Variants in ALDH1A2 observed in about 807,000 individuals in gnomAD.
ALDH1A2 encodes retinal dehydrogenase 2.
A neutral mutation model predicts 60.3 loss-of-function variants in ALDH1A2; 27 were observed. The ratio of observed to expected loss-of-function variants is 0.45; its 90% CI spans 0.33 to 0.62. The LOEUF is 0.62. ALDH1A2 is among the 20% of genes least tolerant of loss of function. The pLI is 0.02. For synonymous variants in ALDH1A2, 289 were observed against 232.4 expected, an observed-to-expected ratio of 1.24 and a Z score of -2.21; for missense variants, 581 against 643.8, an observed-to-expected ratio of 0.90 and a Z score of 1.06.
chr15:58,033,822 C>G (rs965599133), intron 1 of ALDH1A2, among the ~76,000 whole-genome samples: 23 of 147,326 alleles, frequency 1.6e-4, no homozygotes, highest in Admixed American at 6.2e-4. Context: ...TTTCTTGGTT[C>G]TCTTCTCTAT....
At chr15:58,034,278 A>G (rs1265913594) in intron 1 of ALDH1A2, among the ~76,000 whole-genome samples, 1 of 151,772 alleles carries the variant, frequency 6.6e-6, no homozygotes, top group Non-Finnish European at 1.5e-5. Flanking sequence ...GTTCATCACC[A>G]GTATATAAGA....
chr15:57,980,309 T>C, intron 7 of ALDH1A2: 2 of 415,450 alleles, frequency 4.8e-6, no homozygotes, highest in South Asian at 2.1e-5. Flanking sequence ...GTTCCCACTC[T>C]CAAACAGGTT....
At chr15:58,061,617 A>AAAAAAAAAAC in intron 1 of ALDH1A2, among the ~76,000 whole-genome samples, 1 of 149,848 alleles carries the variant, frequency 6.7e-6, no homozygotes, top group Non-Finnish European at 1.5e-5. Context: ...AAACAAAAAA[A>AAAAAAAAAAC]AAAAAAAAAC....
intron 8 of ALDH1A2, among the ~76,000 whole-genome samples, chr15:57,964,961 T>A (rs1893845028): frequency 6.6e-6 from 1 of 151,584 alleles, no homozygotes; most frequent in Non-Finnish European, 1.5e-5. Context: ...GGTTTTCTGA[T>A]CTCTCTGGTG....
chr15:57,971,903 T>C (rs1566932961), intron 7 of ALDH1A2, among the ~76,000 whole-genome samples: 1 of 151,984 alleles, frequency 6.6e-6, no homozygotes, highest in East Asian at 1.9e-4. Flanking sequence ...TATTTTTTAT[T>C]TTTTTTTGCA....
At chr15:57,978,812 G>A (rs1595631990) in intron 7 of ALDH1A2, among the ~76,000 whole-genome samples, 2 of 152,180 alleles carry the variant, frequency 1.3e-5, no homozygotes, top group African/African-American at 4.8e-5. Context: ...CAAGGTGCGT[G>A]GATTACCTGA....
At chr15:58,014,304 G>T in intron 1 of ALDH1A2, 23 bp from the exon 2 acceptor site, 2 of 1,585,022 alleles carry the variant, frequency 1.3e-6, no homozygotes, top group South Asian at 1.1e-5. Context: ...ATAACAGAAT[G>T]GGATCTGTGA....
At chr15:57,981,596 G>C (rs1894514958) in intron 7 of ALDH1A2, among the ~76,000 whole-genome samples, 1 of 152,134 alleles carries the variant, frequency 6.6e-6, no homozygotes, top group South Asian at 2.1e-4. Context: ...ACTAATGGAA[G>C]AAGACATGAA....
At chr15:57,976,981 T>C (rs1238514212) in intron 7 of ALDH1A2, among the ~76,000 whole-genome samples, 2 of 152,238 alleles carry the variant, frequency 1.3e-5, no homozygotes, top group Admixed American at 6.5e-5. Flanking sequence ...GGTATCTCAC[T>C]GTGGTTTTGA....
rs531384826 is a variant in ALDH1A2 at position 58,063,318 on chromosome 15, G to A, written c.117+2216C>T. Among the ~76,000 whole-genome samples the A allele has an allele frequency of 3.9e-5, 6 of 152,158 alleles. No homozygotes were observed. In the South Asian group the frequency reaches 8.3e-4, roughly 21 times the overall value. On this transcript the variant is annotated intron_variant, in intron 1 of 12. Coordinates refer to ENST00000249750, the MANE Select transcript of ALDH1A2 (RefSeq NM_003888.4). Reference sequence around the variant, plus strand: ...AATGTGATATTTAACACGCCCTAACGCGTAATACTTTTGTAGCCATTACCC... The same window carrying A: ...AATGTGATATTTAACACGCCCTAACACGTAATACTTTTGTAGCCATTACCC...
intron 3 of ALDH1A2, among the ~76,000 whole-genome samples, chr15:58,012,860 G>C (rs1482248904): frequency 6.6e-6 from 1 of 152,144 alleles, no homozygotes. Context: ...TAGGGGAAAG[G>C]ATATAGTACT....
chr15:57,967,139 G>A (rs942226376), intron 7 of ALDH1A2, among the ~76,000 whole-genome samples: 8 of 151,608 alleles, frequency 5.3e-5, no homozygotes, highest in Admixed American at 3.3e-4. Context: ...ACCCCAGCTA[G>A]GAGAAAAGGC....
intron 7 of ALDH1A2, among the ~76,000 whole-genome samples, chr15:57,979,428 TCTC>T (rs1894400750): frequency 6.6e-6 from 1 of 152,104 alleles, no homozygotes; most frequent in South Asian, 2.1e-4. Context: ...CCAGGTCTCT[TCTC>T]CCCGGCACAG....
At chr15:58,019,675 T>C (rs1224944338) in intron 1 of ALDH1A2, among the ~76,000 whole-genome samples, 1 of 152,196 alleles carries the variant, frequency 6.6e-6, no homozygotes, top group African/African-American at 2.4e-5. Context: ...TTTCTTTCCA[T>C]TGTGGTTGTG....
intron 4 of ALDH1A2, among the ~76,000 whole-genome samples, chr15:58,000,886 C>T (rs1182835218): frequency 2.6e-5 from 4 of 151,800 alleles, no homozygotes; most frequent in South Asian, 2.1e-4. Flanking sequence ...GGGGAGTCCA[C>T]GTGTATTATG....
At chr15:57,998,132 C>G (rs901149114) in intron 4 of ALDH1A2, among the ~76,000 whole-genome samples, 37 of 152,010 alleles carry the variant, frequency 2.4e-4, no homozygotes, top group African/African-American at 7.5e-4. Context: ...CCCTTGAAAA[C>G]TAGCACAAGA....
At chr15:58,025,976 C>G (rs1896068309) in intron 1 of ALDH1A2, among the ~76,000 whole-genome samples, 1 of 152,222 alleles carries the variant, frequency 6.6e-6, no homozygotes, top group Non-Finnish European at 1.5e-5. Context: ...ACACCTCCCA[C>G]CAGGCTCCAC....
At chr15:57,994,116 G>A (rs1007301603) in intron 5 of ALDH1A2, among the ~76,000 whole-genome samples, 1 of 152,164 alleles carries the variant, frequency 6.6e-6, no homozygotes, top group Non-Finnish European at 1.5e-5. Context: ...GTCTGGGCAA[G>A]GGCAAGAAAA....
chr15:57,992,669 G>A, intron 7 of ALDH1A2, 36 bp downstream of exon 7: 1 of 1,586,642 alleles, frequency 6.3e-7, no homozygotes, highest in Non-Finnish European at 8.7e-7. Flanking sequence ...TCATTTGCAA[G>A]ACTGTTCCTC....
Sources: allele counts gnomAD v4.1 joint callset (sites outside exome capture counted in the v4.1 genomes callset), GRCh38; gene constraint gnomAD v4.1.1; transcripts MANE v1.5; gene names NCBI Gene and HGNC (gene_info 2026-07-23, HGNC 2026-07-21).